SBF2: variants seen among roughly 807,000 people sequenced by gnomAD.
The protein encoded by SBF2 is SET binding factor 2.
SBF2 carries 112 observed loss-of-function variants against 225.2 expected under a neutral mutation model. The observed-to-expected ratio is 0.50, with a 90% confidence interval of 0.43 to 0.58. SBF2 has a LOEUF of 0.58. Ranked by LOEUF, SBF2 falls within the 20% of genes least tolerant of loss-of-function variation. The pLI is 0.00. For synonymous variants in SBF2, 763 were observed against 773.3 expected (o/e 0.99, Z 0.22); for missense variants, 1,996 against 2,206.2 (o/e 0.90, Z 1.91).
chr11:9,864,961 G>A (rs1422985777), intron 17 of SBF2, among the ~76,000 whole-genome samples: 1 of 151,546 alleles, frequency 6.6e-6, no homozygotes, highest in Non-Finnish European at 1.5e-5. Context: ...CCAGGCTACA[G>A]TGCAGTTGGC....
At chr11:10,116,666 T>C (rs1238079947) in intron 2 of SBF2, among the ~76,000 whole-genome samples, 1 of 152,178 alleles carries the variant, frequency 6.6e-6, no homozygotes, top group Non-Finnish European at 1.5e-5. Flanking sequence ...TCTTTTTTTT[T>C]TCCTCCACAA....
At chr11:10,282,450 C>G (rs1963477388) in intron 1 of SBF2, among the ~76,000 whole-genome samples, 1 of 152,172 alleles carries the variant, frequency 6.6e-6, no homozygotes, top group Non-Finnish European at 1.5e-5. Flanking sequence ...CCTCCTGACT[C>G]ACATGTCTAA....
In SBF2 at chr11:9,828,718, G is replaced by A. The variant is rs1206542257; in HGVS notation, c.3793+638C>T. 3.8e-6 allele frequency: 3 copies of A among 798,474 alleles called. No individual in the cohort carries two copies. In the East Asian group the frequency reaches 3.8e-4, roughly 101 times the overall value. The allele number at this position is 798,474 out of a possible 1,614,324, so 49.5% of individuals were successfully genotyped here. ...GTACTGAAAATCATAATAGGCTGCA[G>A]ATATTTTGGGAATTTCAAACTTATA... is the stretch of plus-strand genomic sequence containing the variant. On this transcript the variant is annotated intron_variant, in intron 28 of 39. Transcript: ENST00000256190.
At chr11:9,790,070 C>T (rs1228152818) in intron 34 of SBF2, among the ~76,000 whole-genome samples, 3 of 152,208 alleles carry the variant, frequency 2.0e-5, no homozygotes, top group Non-Finnish European at 1.5e-5. Context: ...CAGTCTGTTG[C>T]ATTCCAGGGC....
intron 3 of SBF2, among the ~76,000 whole-genome samples, chr11:10,034,422 T>G (rs1195776768): frequency 1.3e-5 from 2 of 152,226 alleles, no homozygotes; most frequent in African/African-American, 4.8e-5. Flanking sequence ...TTGCACGCAA[T>G]AACTTGATGT....
chr11:9,900,945 G>A (rs1262583904), intron 16 of SBF2, among the ~76,000 whole-genome samples: 1 of 151,738 alleles, frequency 6.6e-6, no homozygotes, highest in Non-Finnish European at 1.5e-5. Context: ...TCACTATGTT[G>A]TCCAAGCTGG....
chr11:10,144,744 T>C (rs1011506915), intron 2 of SBF2, among the ~76,000 whole-genome samples: 2 of 152,200 alleles, frequency 1.3e-5, no homozygotes, highest in Non-Finnish European at 2.9e-5. Flanking sequence ...CAAAAAATCT[T>C]TATGGTCTCA....
intron 2 of SBF2, among the ~76,000 whole-genome samples, chr11:10,063,032 T>C (rs549660387): frequency 6.6e-6 from 1 of 152,264 alleles, no homozygotes; most frequent in South Asian, 2.1e-4. Context: ...ATCATGTCTT[T>C]TGCCGGACCA....
At chr11:10,093,854 T>A (rs1373882236) in intron 2 of SBF2, among the ~76,000 whole-genome samples, 1 of 152,202 alleles carries the variant, frequency 6.6e-6, no homozygotes, top group African/African-American at 2.4e-5. Context: ...AACATTCTTG[T>A]CACAAATAAA....
At position 9,962,096 on chromosome 11, in the gene SBF2, G is replaced by T; in HGVS notation, c.1721C>A (p.Ala574Asp). The T allele has an allele frequency of 6.2e-7, 1 of 1,614,092 alleles. No homozygotes were observed. ...CTTTCCTTTAAGGGCTCTGAGTGCA[G>T]CAGGAAGGGTCTGAGGACAAGAGAG... ...KILETEKTLP[A>D]ALRALKGKAA... Residue 574 changes from alanine to aspartate, a missense_variant, in exon 16 of 40, where the codon GCT (alanine) becomes GAT (aspartate). Physicochemically the swap from Ala to Asp is moderately radical, Grantham distance 126. Transcript: ENST00000256190.
At chr11:9,925,613 T>A (rs1040501322) in intron 16 of SBF2, among the ~76,000 whole-genome samples, 2 of 152,162 alleles carry the variant, frequency 1.3e-5, no homozygotes, top group Admixed American at 6.5e-5. Context: ...CTGGACTAAG[T>A]CCTCAAAAGC....
chr11:9,888,777 G>A (rs1472464171), intron 17 of SBF2, among the ~76,000 whole-genome samples: 1 of 152,152 alleles, frequency 6.6e-6, no homozygotes, highest in Non-Finnish European at 1.5e-5. Context: ...TATAGTTAAA[G>A]AACTTGAGGT....
chr11:10,026,848 T>C (rs540963896), intron 6 of SBF2, among the ~76,000 whole-genome samples: 1 of 152,250 alleles, frequency 6.6e-6, no homozygotes, highest in African/African-American at 2.4e-5. Flanking sequence ...TCATATTAGA[T>C]AGATATGCAT....
chr11:10,265,857 TTG>T (rs10616720), intron 1 of SBF2, among the ~76,000 whole-genome samples: 70,813 of 150,110 alleles, frequency 0.47, 17,283 homozygotes, highest in Non-Finnish European at 0.54. Context: ...GCCAGGCTAA[TTG>T]TGTGTGTGTG....
chr11:9,959,074 C>G (rs1866385973), intron 16 of SBF2: 1 of 1,509,138 alleles, frequency 6.6e-7, no homozygotes, highest in African/African-American at 1.4e-5. Flanking sequence ...ATTCCAGTTC[C>G]CAGGAATGGG....
intron 16 of SBF2, among the ~76,000 whole-genome samples, chr11:9,943,532 GA>G (rs1027668772): frequency 1.3e-5 from 2 of 150,924 alleles, no homozygotes; most frequent in African/African-American, 4.9e-5. Context: ...AAATCAATGA[GA>G]AAAAAAAGAA....
intron 2 of SBF2, among the ~76,000 whole-genome samples, chr11:10,126,013 A>G (rs185129513): frequency 6.6e-6 from 1 of 152,286 alleles, no homozygotes; most frequent in East Asian, 1.9e-4. Flanking sequence ...TATCCACATG[A>G]CTTATTACTG....
At chr11:9,872,629 A>T (rs182900257) in intron 17 of SBF2, among the ~76,000 whole-genome samples, 1 of 152,210 alleles carries the variant, frequency 6.6e-6, no homozygotes, top group East Asian at 1.9e-4. Context: ...ATCTACAAGA[A>T]TGGCTAAAAT....
At chr11:10,095,863 C>CA (rs1555021813) in intron 2 of SBF2, among the ~76,000 whole-genome samples, 8 of 152,096 alleles carry the variant, frequency 5.3e-5, no homozygotes, top group Non-Finnish European at 1.0e-4. Flanking sequence ...CCAAATAAAA[C>CA]AGCCATATAG....
Sources: gnomAD v4.1 joint callset for allele counts (sites outside exome capture counted in the v4.1 genomes callset) on GRCh38, gnomAD v4.1.1 for gene constraint, MANE v1.5 for transcripts, NCBI Gene and HGNC (gene_info 2026-07-23, HGNC 2026-07-21) for gene names.